AKAP13: variants seen among roughly 807,000 people sequenced by gnomAD.
The protein encoded by AKAP13 is A-kinase anchoring protein 13, also known as A-kinase anchor protein 13.
AKAP13 carries 80 observed loss-of-function variants against 264.5 expected under a neutral mutation model. The ratio of observed to expected loss-of-function variants is 0.30; its 90% CI spans 0.25 to 0.36. The LOEUF is 0.36. Among genes scored for constraint, AKAP13 ranks in the 10% least tolerant of loss-of-function variants. AKAP13 has a pLI of 1.00. For synonymous variants in AKAP13, 1,380 were observed against 1,250.2 expected (o/e 1.10, Z -2.19); for missense variants, 3,712 against 3,435.2 (o/e 1.08, Z -2.01).
At chr15:85,617,095 A>G (rs1822840354) in intron 8 of AKAP13, among the ~76,000 whole-genome samples, 1 of 152,166 alleles carries the variant, frequency 6.6e-6, no homozygotes, top group Non-Finnish European at 1.5e-5. Flanking sequence ...TCTCTCCTAA[A>G]AACTTCCTGA....
intron 17 of AKAP13, among the ~76,000 whole-genome samples, chr15:85,707,010 G>T (rs920414036): frequency 6.6e-6 from 1 of 152,164 alleles, no homozygotes; most frequent in Non-Finnish European, 1.5e-5. Context: ...AAGAGATGTT[G>T]GCCCTTAACT....
intron 14 of AKAP13, among the ~76,000 whole-genome samples, chr15:85,681,713 T>C (rs2084609658): frequency 8.8e-6 from 1 of 113,480 alleles, no homozygotes; most frequent in African/African-American, 3.1e-5. Context: ...CATGAAAATA[T>C]TAGAGATGAG....
chr15:85,721,917 CTG>C, intron 23 of AKAP13, 72 bp from the exon 24 acceptor site: 1 of 1,587,636 alleles, frequency 6.3e-7, no homozygotes, highest in African/African-American at 1.4e-5. Context: ...TACAACTAGA[CTG>C]GAAACATTTT....
At chr15:85,717,810 A>AC (rs1411270711) in intron 21 of AKAP13, among the ~76,000 whole-genome samples, 197 bp from the exon 22 acceptor site, 1 of 152,192 alleles carries the variant, frequency 6.6e-6, no homozygotes, top group East Asian at 1.9e-4. Context: ...ATTACTGTTA[A>AC]CCTAAGTCTC....
chr15:85,381,344 C>T (rs1038479556), intron 1 of AKAP13, among the ~76,000 whole-genome samples: 1 of 151,968 alleles, frequency 6.6e-6, no homozygotes, highest in Non-Finnish European at 1.5e-5. Flanking sequence ...GGTGCCTCTC[C>T]GCGGCTTCTC....
intron 8 of AKAP13, among the ~76,000 whole-genome samples, chr15:85,612,161 G>A (rs1390946320): frequency 1.3e-5 from 2 of 152,258 alleles, no homozygotes; most frequent in South Asian, 2.1e-4. Context: ...AAATTTCCTG[G>A]TTGTTGTTGA....
chr15:85,421,582 T>C (rs1040052043), intron 1 of AKAP13, among the ~76,000 whole-genome samples: 1 of 152,282 alleles, frequency 6.6e-6, no homozygotes, highest in Non-Finnish European at 1.5e-5. Flanking sequence ...TGTGTGCGCG[T>C]GTGCGCGCGC....
intron 1 of AKAP13, among the ~76,000 whole-genome samples, chr15:85,421,633 G>T (rs539488065): frequency 6.6e-6 from 1 of 151,936 alleles, no homozygotes; most frequent in South Asian, 2.1e-4. Flanking sequence ...TTTTTTCTTT[G>T]CCCTTCTCTC....
At position 85,724,525 on chromosome 15, in the gene AKAP13, A is replaced by AAT. The variant is rs2087487729; in HGVS notation, c.6745+1205_6745+1206insAT. Among the ~76,000 whole-genome samples the AAT allele has an allele frequency of 7.7e-6, 1 of 129,228 alleles. No homozygotes were observed. Among genetic ancestry groups the AAT allele is most frequent in the Admixed American group, 7.9e-5 (1 of 12,598 alleles). 84.8% of individuals were successfully genotyped at this position (129,228 alleles called of 152,430 possible). ...GACACCCGGGACTCTCACGTGAGAGAGCAGAGTGAATGACAGGGGAGTGAC... is the reference window on the plus strand; with the variant it reads ...GACACCCGGGACTCTCACGTGAGAGAATGCAGAGTGAATGACAGGGGAGTGAC... On this transcript the variant is annotated intron_variant, in intron 26 of 36. Transcript: ENST00000394518. The surrounding 1 kb of genome is among the most constrained non-coding windows in gnomAD (Gnocchi z 4.2).
chr15:85,385,564 T>C (rs187608759), intron 1 of AKAP13, among the ~76,000 whole-genome samples: 104 of 152,328 alleles, frequency 6.8e-4, no homozygotes, highest in Non-Finnish European at 1.3e-3. Context: ...CTCTGGAAAT[T>C]GCTGATCTGT....
chr15:85,685,598 C>T (rs1374771578), intron 16 of AKAP13, among the ~76,000 whole-genome samples: 1 of 152,052 alleles, frequency 6.6e-6, no homozygotes, highest in African/African-American at 2.4e-5. Context: ...AGTTTCCTGC[C>T]TCGCACCGTA....
intron 8 of AKAP13, among the ~76,000 whole-genome samples, chr15:85,625,851 A>G (rs2081386198): frequency 3.3e-5 from 5 of 152,218 alleles, no homozygotes; most frequent in Admixed American, 3.3e-4. Flanking sequence ...GAAATAGTGG[A>G]GTTGTTGATG....
chr15:85,461,731 G>T (rs1206480036), intron 1 of AKAP13, among the ~76,000 whole-genome samples: 1 of 151,790 alleles, frequency 6.6e-6, no homozygotes, highest in Non-Finnish European at 1.5e-5. Context: ...ATAGTTTGTT[G>T]CTTCAAATAT....
intron 1 of AKAP13, among the ~76,000 whole-genome samples, chr15:85,470,891 T>G (rs2031011306): frequency 6.6e-6 from 1 of 152,262 alleles, no homozygotes; most frequent in African/African-American, 2.4e-5. Flanking sequence ...ACATCATGAC[T>G]GCAGTTGGTT....
At position 85,460,199 on chromosome 15, in the gene AKAP13, G is replaced by A. The variant is rs370537909; in HGVS notation, c.-11-25511G>A. ...AATTGTTTCTTTTTATCTTTCTGGC[G>A]TTTTCTCCTGCTCCTATCACACACA... is the stretch of plus-strand genomic sequence containing the variant. On this transcript the variant is annotated intron_variant, in intron 1 of 36. Transcript: ENST00000394518. Among the ~76,000 whole-genome samples the A allele has an allele frequency of 5.0e-4, 76 of 152,168 alleles. 1 individual carries two copies. The highest frequency in any genetic ancestry group is 3.5e-3 in the East Asian group (18 of 5,172).
chr15:85,704,822 C>T (rs1468662532), intron 17 of AKAP13, among the ~76,000 whole-genome samples: 1 of 152,176 alleles, frequency 6.6e-6, no homozygotes, highest in East Asian at 1.9e-4. Context: ...TGGTAATTTT[C>T]TGTTTTCCCA....
Position 85,656,324 on chromosome 15 carries a change from A to G in AKAP13, c.4745+537A>G, listed in dbSNP as rs577107495. ...AGAGGATATAAGACTCATTACATTC[A>G]TTTTACATTCATTACATACCATTAA... On this transcript the variant is annotated intron_variant, in intron 11 of 36. Coordinates refer to ENST00000394518, the MANE Select transcript of AKAP13 (RefSeq NM_007200.5). Among the ~76,000 whole-genome samples, 10 of 152,290 alleles carry G rather than the reference A, an allele frequency of 6.6e-5. No individual in the cohort carries two copies. In the East Asian group the frequency reaches 1.2e-3, roughly 18 times the overall value.
chr15:85,708,614 C>T lies in AKAP13; in HGVS notation c.5532+528C>T, dbSNP rs2086450077. Among the ~76,000 whole-genome samples the T allele has an allele frequency of 6.6e-6, 1 of 152,132 alleles. No homozygotes were observed. Among genetic ancestry groups the T allele is most frequent in the Non-Finnish European group, 1.5e-5 (1 of 68,026 alleles). ...AGTGCCTGTTTTATGGTGGTATCTG[C>T]CCTGAGCATGTATGCTATGTAATCA... is the stretch of plus-strand genomic sequence containing the variant. On this transcript the variant is annotated intron_variant, in intron 18 of 36. Coordinates refer to ENST00000394518, the MANE Select transcript of AKAP13 (RefSeq NM_007200.5). This position sits in a 1 kb window ranked among gnomAD's most constrained non-coding sequence, Gnocchi z 4.3.
intron 1 of AKAP13, among the ~76,000 whole-genome samples, chr15:85,402,167 C>A (rs894076767): frequency 5.9e-5 from 9 of 152,138 alleles, no homozygotes; most frequent in Non-Finnish European, 1.2e-4. Flanking sequence ...TCCTGGAGAT[C>A]CTTGGAATTA....
Sources: gnomAD v4.1 joint callset for allele counts (sites outside exome capture counted in the v4.1 genomes callset) on GRCh38, gnomAD v4.1.1 for gene constraint, Gnocchi (gnomAD v3.1) non-coding constraint, MANE v1.5 for transcripts, NCBI Gene and HGNC (gene_info 2026-07-23, HGNC 2026-07-21) for gene names.